ASPH: variants seen among roughly 807,000 people sequenced by gnomAD.
The protein encoded by ASPH is aspartate beta-hydroxylase.
ASPH carries 100 observed loss-of-function variants against 118.4 expected under a neutral mutation model. The ratio of observed to expected loss-of-function variants is 0.84; its 90% CI spans 0.72 to 1.00. The LOEUF (loss-of-function observed/expected upper bound fraction) is 1.00, where lower values mean the gene tolerates loss of function less well. Among genes scored for constraint, ASPH ranks in the 50% least tolerant of loss-of-function variants. The pLI is 0.00. For synonymous variants in ASPH, 315 were observed against 325.6 expected, an observed-to-expected ratio of 0.97 and a Z score of 0.35; for missense variants, 920 against 919.5, an observed-to-expected ratio of 1.00 and a Z score of -0.01.
At chr8:61,674,873 T>C (rs1824480191) in intron 3 of ASPH, among the ~76,000 whole-genome samples, 1 of 152,220 alleles carries the variant, frequency 6.6e-6, no homozygotes, top group Non-Finnish European at 1.5e-5. Flanking sequence ...TTTTTAGCTC[T>C]CTGACAAACT....
chr8:61,635,494 A>G (rs1857337208), intron 12 of ASPH, among the ~76,000 whole-genome samples: 1 of 152,126 alleles, frequency 6.6e-6, no homozygotes, highest in African/African-American at 2.4e-5. Flanking sequence ...GATATATCAC[A>G]TAACTCCCAG....
In ASPH at chr8:61,684,145, G is replaced by A. The variant is rs144828443; in HGVS notation, c.147C>T (p.Leu49=). The A allele has an allele frequency of 4.4e-4, 706 of 1,613,596 alleles. 7 individuals are homozygous for A. The Middle Eastern group carries it at 0.015, about 34-fold the overall frequency. ...GGHKNGRKGG[L]SGTSFFTWFM... is the part of the protein sequence containing the mutation. ...ACCACGTGAAGAATGAAGTTCCTGA[G>A]AGTCCGCCTTTCCTCCCATTCTTGT... Residue 49 remains leucine (L), a synonymous_variant, in exon 2 of 25, where the codon CTC becomes CTT. Coordinates refer to ENST00000379454, the MANE Select transcript of ASPH (RefSeq NM_004318.4).
intron 3 of ASPH, among the ~76,000 whole-genome samples, chr8:61,666,185 A>G (rs1819516308): frequency 6.6e-6 from 1 of 152,196 alleles, no homozygotes; most frequent in African/African-American, 2.4e-5. Flanking sequence ...AAAAATTAGA[A>G]TTCTCTTTCT....
chr8:61,647,278 C>T (rs1808485613), intron 5 of ASPH, among the ~76,000 whole-genome samples: 1 of 152,190 alleles, frequency 6.6e-6, no homozygotes, highest in Admixed American at 6.5e-5. Flanking sequence ...AAAGGCTACT[C>T]TATGGCCTTT....
At chr8:61,593,295 A>G (rs1841685104) in intron 14 of ASPH, among the ~76,000 whole-genome samples, 1 of 152,306 alleles carries the variant, frequency 6.6e-6, no homozygotes, top group Admixed American at 6.5e-5. Flanking sequence ...CTCTAACACG[A>G]TCTACTCTAT....
chr8:61,677,475 G>A (rs574473932), intron 3 of ASPH, among the ~76,000 whole-genome samples: 1 of 151,950 alleles, frequency 6.6e-6, no homozygotes, highest in African/African-American at 2.4e-5. Flanking sequence ...ATGTCTCCAT[G>A]TAGTATAACT....
chr8:61,535,772 CATG>C (rs1365600836), intron 21 of ASPH, among the ~76,000 whole-genome samples: 1 of 152,198 alleles, frequency 6.6e-6, no homozygotes, highest in East Asian at 1.9e-4. Context: ...ATACTCTAAA[CATG>C]ATAAGACGAG....
intron 14 of ASPH, among the ~76,000 whole-genome samples, chr8:61,613,399 C>G (rs755178129): frequency 1.3e-5 from 2 of 152,184 alleles, no homozygotes; most frequent in Non-Finnish European, 2.9e-5. Flanking sequence ...AAATCTCTAT[C>G]TATTTCTATA....
intron 1 of ASPH, among the ~76,000 whole-genome samples, chr8:61,699,618 C>G (rs1834770857): frequency 6.6e-6 from 1 of 152,056 alleles, no homozygotes; most frequent in Non-Finnish European, 1.5e-5. Flanking sequence ...AAAAGTTTCT[C>G]TTAACTGTGA....
At chr8:61,621,330 AAAAAAGAAAAG>A in intron 13 of ASPH, among the ~76,000 whole-genome samples, 1 of 114,968 alleles carries the variant, frequency 8.7e-6, no homozygotes, top group East Asian at 2.5e-4. Flanking sequence ...AGCAAAAAAA[AAAAAAGAAAAG>A]AAAAGAAAAG....
intron 24 of ASPH, 117 bp from the exon 25 acceptor site, chr8:61,503,626 A>G: frequency 1.0e-6 from 1 of 960,106 alleles, no homozygotes; most frequent in Non-Finnish European, 1.5e-6. Flanking sequence ...GACATAACCA[A>G]ATAACTAGAA....
chr8:61,525,873 C>G (rs1815137135), intron 22 of ASPH, 104 bp downstream of exon 22: 3 of 1,492,770 alleles, frequency 2.0e-6, no homozygotes, highest in Admixed American at 4.4e-5. Context: ...CTCGTTTAAG[C>G]CTGGGAATCC....
intron 15 of ASPH, among the ~76,000 whole-genome samples, 184 bp from the exon 16 acceptor site, chr8:61,577,042 C>T (rs931452062): frequency 2.0e-5 from 3 of 151,836 alleles, no homozygotes; most frequent in Admixed American, 6.6e-5. Flanking sequence ...TAGTAATGAA[C>T]ACATATTTAC....
chr8:61,624,586 A>G (rs1852064787), intron 13 of ASPH: 1 of 983,688 alleles, frequency 1.0e-6, no homozygotes, highest in African/African-American at 1.7e-5. Flanking sequence ...GAAGACATTT[A>G]CATTATTTTT....
At chr8:61,529,986 G>T (rs901313078) in intron 21 of ASPH, among the ~76,000 whole-genome samples, 2 of 152,182 alleles carry the variant, frequency 1.3e-5, no homozygotes, top group African/African-American at 4.8e-5. Flanking sequence ...GAATGTGGGG[G>T]AGACACAAAC....
chr8:61,713,184 T>C (rs1218447336), intron 1 of ASPH, among the ~76,000 whole-genome samples: 1 of 152,256 alleles, frequency 6.6e-6, no homozygotes, highest in African/African-American at 2.4e-5. Flanking sequence ...GTGCAATGGA[T>C]TTAATGCACT....
At chr8:61,710,996 T>C (rs1837934409) in intron 1 of ASPH, among the ~76,000 whole-genome samples, 1 of 152,178 alleles carries the variant, frequency 6.6e-6, no homozygotes, top group East Asian at 1.9e-4. Flanking sequence ...CTCAATCTAC[T>C]GAGACACCTT....
intron 14 of ASPH, among the ~76,000 whole-genome samples, chr8:61,616,437 A>T (rs188283460): frequency 9.2e-5 from 14 of 152,340 alleles, no homozygotes; most frequent in Admixed American, 9.2e-4. Context: ...CATGCCCACC[A>T]TTCGGACTCC....
chr8:61,646,942 G>A, intron 5 of ASPH, 64 bp from the exon 6 acceptor site: 4 of 1,603,420 alleles, frequency 2.5e-6, no homozygotes, highest in Non-Finnish European at 3.4e-6. Flanking sequence ...CCTTGTGAAG[G>A]GCTGCCACAC....
Sources: allele counts gnomAD v4.1 joint callset (sites outside exome capture counted in the v4.1 genomes callset), GRCh38; gene constraint gnomAD v4.1.1; transcripts MANE v1.5; gene names NCBI Gene and HGNC (gene_info 2026-07-23, HGNC 2026-07-21).